GPHN: variants seen among roughly 807,000 people sequenced by gnomAD.
GPHN encodes the protein gephyrin.
A neutral mutation model predicts 95.5 loss-of-function variants in GPHN; 17 were observed. The ratio of observed to expected loss-of-function variants is 0.18; its 90% CI spans 0.12 to 0.27. GPHN has a LOEUF of 0.27. Among genes scored for constraint, GPHN ranks in the 10% least tolerant of loss-of-function variants. The pLI is 1.00. For missense variants in GPHN, 660 were observed against 978.1 expected (o/e 0.67, Z 4.34); for synonymous variants, 320 against 322.5 (o/e 0.99, Z 0.08).
the GPHN span, among the ~76,000 whole-genome samples, chr14:67,653,864 A>G: frequency 1.3e-5 from 2 of 152,356 alleles, no homozygotes; most frequent in East Asian, 1.9e-4. Flanking sequence ...ATTCCAGGAC[A>G]GCCTCTTGAG....
chr14:67,262,959 TA>T, the GPHN span, among the ~76,000 whole-genome samples: 3 of 152,050 alleles, frequency 2.0e-5, no homozygotes, highest in African/African-American at 4.8e-5. Flanking sequence ...CTAGTGCCTT[TA>T]AAAAAAACTT....
At chr14:66,727,383 A>T (rs890403093) in intron 2 of GPHN, among the ~76,000 whole-genome samples, 6 of 152,214 alleles carry the variant, frequency 3.9e-5, no homozygotes, top group Non-Finnish European at 8.8e-5. Context: ...AAAATGTGGA[A>T]GTGACTTTGG....
intron 9 of GPHN, among the ~76,000 whole-genome samples, chr14:67,005,165 A>G (rs570847661): frequency 1.5e-4 from 22 of 151,576 alleles, no homozygotes; most frequent in African/African-American, 5.3e-4. Context: ...AAACATAGTG[A>G]TAGCATTTCC....
rs182934309 is a variant in GPHN, at chr14:66,894,032, C to G, written c.389+13999C>G. 3.8e-3 allele frequency among the ~76,000 whole-genome samples: 579 copies of G among 152,234 alleles called. 4 individuals carry two copies. The highest frequency in any genetic ancestry group is 6.7e-3 in the Admixed American group (103 of 15,286). ...AAACTACTTTAAGGTTCATATGGAACCAAAAAACAGCCCACATTGCCAAGA... is the reference window on the plus strand; with the variant it reads ...AAACTACTTTAAGGTTCATATGGAAGCAAAAAACAGCCCACATTGCCAAGA... On this transcript the variant is annotated intron_variant, in intron 5 of 22. Coordinates refer to ENST00000478722, the MANE Select transcript of GPHN (RefSeq NM_020806.5).
chr14:67,098,841 AAG>A (rs905420568), intron 12 of GPHN, among the ~76,000 whole-genome samples: 9 of 151,720 alleles, frequency 5.9e-5, no homozygotes, highest in Admixed American at 1.3e-4. Flanking sequence ...AAAAAAGAAA[AAG>A]AGAGAGAGAA....
the GPHN span, among the ~76,000 whole-genome samples, chr14:67,433,650 A>G: frequency 9.9e-5 from 15 of 152,192 alleles, no homozygotes; most frequent in African/African-American, 3.4e-4. Context: ...TTGTGGGGGA[A>G]AAAGAAGGAG....
Position 66,957,187 on chromosome 14 carries a change from C to CTT in GPHN, c.829-7979_829-7978dup, listed in dbSNP as rs1157690518. ...GTAAATTTCTCAAATTTCTTTCTTTCTTTTTTTTTTTTTTTTTTTTTTTTT... is the reference window on the plus strand; with the variant it reads ...GTAAATTTCTCAAATTTCTTTCTTTCTTTTTTTTTTTTTTTTTTTTTTTTTTT... On this transcript the variant is annotated intron_variant, in intron 8 of 22. Transcript: ENST00000478722. Among the ~76,000 whole-genome samples, 178 of 84,830 alleles carry CTT rather than the reference C, an allele frequency of 2.1e-3. 4 individuals carry two copies. Among genetic ancestry groups the CTT allele is most frequent in the Middle Eastern group, 7.8e-3 (1 of 128 alleles). 55.7% of individuals were successfully genotyped at this position (84,830 alleles called of 152,430 possible). A position where few individuals can be genotyped will look rare whatever the true frequency, so the allele number is the denominator to read the frequency against.
chr14:67,647,056 C>A, the GPHN span: 2 of 1,379,902 alleles, frequency 1.4e-6, no homozygotes, highest in Admixed American at 1.7e-5. Context: ...TCAGGGCAAA[C>A]CCCCAATGGG....
At chr14:67,188,467 T>A in the GPHN span, among the ~76,000 whole-genome samples, 7 of 152,266 alleles carry the variant, frequency 4.6e-5, no homozygotes, top group Admixed American at 1.3e-4. Flanking sequence ...TGAGATCAGA[T>A]CTATGCAAAA....
chr14:67,694,618 T>A, the GPHN span, among the ~76,000 whole-genome samples: 30 of 151,114 alleles, frequency 2.0e-4, no homozygotes, highest in Admixed American at 1.3e-3. Context: ...GATCTTGTAG[T>A]GAAAAAAAGA....
chr14:67,728,703 T>TGG, the GPHN span, among the ~76,000 whole-genome samples: 57,398 of 141,692 alleles, frequency 0.41, 12,132 homozygotes, highest in Non-Finnish European at 0.49. Context: ...GGATATCTTG[T>TGG]GGGGGGGGGG....
At chr14:66,920,077 A>C in intron 6 of GPHN, among the ~76,000 whole-genome samples, 1 of 152,012 alleles carries the variant, frequency 6.6e-6, no homozygotes, top group East Asian at 1.9e-4. Context: ...AAACAAACAA[A>C]CAAAAAAAAA....
chr14:66,888,820 A>G (rs573894823), intron 5 of GPHN, among the ~76,000 whole-genome samples: 2 of 152,254 alleles, frequency 1.3e-5, no homozygotes, highest in South Asian at 2.1e-4. Context: ...TGATCCAGCT[A>G]TATGCTGTCT....
At chr14:67,605,219 T>C in the GPHN span, among the ~76,000 whole-genome samples, 1 of 152,250 alleles carries the variant, frequency 6.6e-6, no homozygotes, top group Non-Finnish European at 1.5e-5. Flanking sequence ...TCTCCATTTA[T>C]TGAAGTCTTC....
chr14:67,551,445 G>A, the GPHN span, among the ~76,000 whole-genome samples: 1 of 152,034 alleles, frequency 6.6e-6, no homozygotes, highest in Non-Finnish European at 1.5e-5. Flanking sequence ...GATCCTAGGA[G>A]GTGTCATTAT....
At chr14:66,552,644 A>C (rs1407343719) in intron 1 of GPHN, among the ~76,000 whole-genome samples, 1 of 152,178 alleles carries the variant, frequency 6.6e-6, no homozygotes. Flanking sequence ...GTTTAGCTAA[A>C]AATGTCTTTA....
At chr14:67,511,232 A>G in the GPHN span, among the ~76,000 whole-genome samples, 6 of 152,200 alleles carry the variant, frequency 3.9e-5, no homozygotes, top group South Asian at 2.1e-4. Flanking sequence ...ATAATCCAGT[A>G]TGTTCTGAAT....
the GPHN span, among the ~76,000 whole-genome samples, chr14:67,408,267 C>T: frequency 7.0e-6 from 1 of 143,434 alleles, no homozygotes; most frequent in Non-Finnish European, 1.5e-5. Flanking sequence ...GCCTGGGCAA[C>T]AAGAGCAAAA....
At chr14:67,505,280 C>T in the GPHN span, among the ~76,000 whole-genome samples, 1 of 152,120 alleles carries the variant, frequency 6.6e-6, no homozygotes, top group Non-Finnish European at 1.5e-5. Context: ...TGATATCTCA[C>T]CCTGTCCCCA....
Sources: gnomAD v4.1 joint callset for allele counts (sites outside exome capture counted in the v4.1 genomes callset) on GRCh38, gnomAD v4.1.1 for gene constraint, MANE v1.5 for transcripts, NCBI Gene and HGNC (gene_info 2026-07-23, HGNC 2026-07-21) for gene names.